The following MTUS2 variants were observed in gnomAD, a reference collection of about 807,000 sequenced individuals.
MTUS2 encodes the protein microtubule-associated tumor suppressor candidate 2.
In MTUS2, 40 loss-of-function variants were observed where a neutral mutation model predicts 114.1. That is an observed-to-expected ratio of 0.35 (90% CI 0.27 to 0.46). MTUS2 has a LOEUF of 0.46. Among genes scored for constraint, MTUS2 ranks in the 20% least tolerant of loss-of-function variants. The pLI, the probability that MTUS2 is intolerant of heterozygous loss-of-function variation, is 1.00. For synonymous variants in MTUS2, 688 were observed against 672.0 expected, an observed-to-expected ratio of 1.02 and a Z score of -0.37; for missense variants, 1,679 against 1,705.4, an observed-to-expected ratio of 0.98 and a Z score of 0.27.
chr13:29,247,702 A>T (rs965376432), intron 5 of MTUS2, among the ~76,000 whole-genome samples: 14 of 152,242 alleles, frequency 9.2e-5, no homozygotes, highest in Non-Finnish European at 1.5e-5. Flanking sequence ...ACAATGTGAT[A>T]CCGCCATACT....
rs183753847 is a variant in MTUS2 at position 28,866,810 on chromosome 13, A to G, written c.-243+26960A>G. On this transcript the variant is annotated intron_variant, in intron 2 of 15. Coordinates refer to ENST00000612955, the MANE Select transcript of MTUS2 (RefSeq NM_001033602.4). The stretch of plus-strand genomic sequence containing the variant: ...TTGATTAAAGGATGCCCTTCTGTAT[A>G]TGTCTACCATACCTGCATTTTAAAG... Among the ~76,000 whole-genome samples the G allele has an allele frequency of 9.9e-4, 150 of 152,240 alleles. 1 individual carries two copies. The highest frequency in any genetic ancestry group is 3.4e-3 in the African/African-American group (140 of 41,540).
chr13:29,361,168 G>A (rs967539061), intron 8 of MTUS2, among the ~76,000 whole-genome samples: 4 of 152,154 alleles, frequency 2.6e-5, no homozygotes, highest in African/African-American at 7.2e-5. Context: ...TCTGTAGCAT[G>A]CATGTGGCTC....
chr13:29,386,934 G>A (rs550110404), intron 8 of MTUS2, among the ~76,000 whole-genome samples: 3 of 152,240 alleles, frequency 2.0e-5, no homozygotes, highest in South Asian at 2.1e-4. Context: ...CTCCAGCCTC[G>A]CTATTTGTGT....
chr13:29,475,056 A>G (rs932590298), intron 9 of MTUS2, among the ~76,000 whole-genome samples: 2 of 152,206 alleles, frequency 1.3e-5, no homozygotes, highest in Non-Finnish European at 2.9e-5. Flanking sequence ...TATGTGCTCA[A>G]TGTATCTCTA....
At chr13:29,498,589 C>A in intron 14 of MTUS2, 52 bp downstream of exon 14, 2 of 1,609,112 alleles carry the variant, frequency 1.2e-6, no homozygotes, top group South Asian at 1.1e-5. Flanking sequence ...TTCCTGCTGT[C>A]ATCACTGATG....
At chr13:28,905,110 C>G (rs562042201) in intron 2 of MTUS2, among the ~76,000 whole-genome samples, 6 of 151,598 alleles carry the variant, frequency 4.0e-5, no homozygotes, top group Non-Finnish European at 7.4e-5. Flanking sequence ...ATTTTGTATC[C>G]TGAGACTTTG....
At chr13:29,259,103 CAAT>C (rs1165261226) in intron 5 of MTUS2, among the ~76,000 whole-genome samples, 1 of 152,110 alleles carries the variant, frequency 6.6e-6, no homozygotes. Flanking sequence ...TTTTTTAAAA[CAAT>C]AACAAAAACA....
At chr13:28,908,297 C>T (rs565661971) in intron 2 of MTUS2, among the ~76,000 whole-genome samples, 1 of 151,612 alleles carries the variant, frequency 6.6e-6, no homozygotes, top group East Asian at 1.9e-4. Context: ...CCACCTCCCC[C>T]AACCCCACAA....
At chr13:29,069,847 T>C (rs1259632421) in intron 4 of MTUS2, among the ~76,000 whole-genome samples, 1 of 152,238 alleles carries the variant, frequency 6.6e-6, no homozygotes, top group East Asian at 1.9e-4. Flanking sequence ...TGGATTTTTT[T>C]TGTCCTGTTA....
intron 2 of MTUS2, among the ~76,000 whole-genome samples, chr13:28,956,075 C>T (rs1883049967): frequency 6.8e-6 from 1 of 147,042 alleles, no homozygotes; most frequent in African/African-American, 2.5e-5. Flanking sequence ...TCCTTTCCCC[C>T]AAGTCCCCAA....
At chr13:29,428,742 C>T in intron 8 of MTUS2, 1 of 1,581,656 alleles carries the variant, frequency 6.3e-7, no homozygotes, top group East Asian at 2.3e-5. Flanking sequence ...TGTGACAGCT[C>T]CCAGCGGCGC....
chr13:29,318,794 C>T (rs1900130101), intron 6 of MTUS2, among the ~76,000 whole-genome samples: 1 of 152,206 alleles, frequency 6.6e-6, no homozygotes. Context: ...TTTTCTGAGA[C>T]ACTCTCTATG....
chr13:29,185,465 G>A lies in MTUS2; in HGVS notation c.2644+84495G>A, dbSNP rs548457575. ...ACTCCACATAGCATAAACTCAAATA[G>A]AACCATCTTAGACACATCATAATTA... On this transcript the variant is annotated intron_variant, in intron 5 of 15. Coordinates refer to ENST00000612955, the MANE Select transcript of MTUS2 (RefSeq NM_001033602.4). Among the ~76,000 whole-genome samples, 218 of 152,218 alleles carry A rather than the reference G, an allele frequency of 1.4e-3. 1 individual carries two copies. Among genetic ancestry groups the A allele is most frequent in the African/African-American group, 5.2e-3 (214 of 41,530 alleles).
Position 29,219,564 on chromosome 13 carries a change from G to A in MTUS2, c.2645-62140G>A, listed in dbSNP as rs149691830. Among the ~76,000 whole-genome samples, 218 of 152,334 alleles carry A rather than the reference G, an allele frequency of 1.4e-3. 1 individual carries two copies. Among genetic ancestry groups the A allele is most frequent in the African/African-American group, 5.1e-3 (214 of 41,580 alleles). ...TCATTTCTAACAAGAGAGTTAGCCT[G>A]TCCTTTGAAGCTTTGAAGCCAGGCA... On this transcript the variant is annotated intron_variant, in intron 5 of 15. Coordinates refer to ENST00000612955, the MANE Select transcript of MTUS2 (RefSeq NM_001033602.4).
chr13:28,859,140 G>A (rs1593251583), intron 2 of MTUS2, among the ~76,000 whole-genome samples: 1 of 152,170 alleles, frequency 6.6e-6, no homozygotes, highest in Non-Finnish European at 1.5e-5. Flanking sequence ...TCCTGAATTA[G>A]GTGTTGCTAG....
At chr13:29,501,048 C>G in intron 14 of MTUS2, 49 bp from the exon 15 acceptor site, 1 of 1,524,520 alleles carries the variant, frequency 6.6e-7, no homozygotes, top group Non-Finnish European at 9.1e-7. Flanking sequence ...CGGTTTACTC[C>G]CGATTTTATG....
At position 28,941,864 on chromosome 13, in the gene MTUS2, T is replaced by C. The variant is rs572612171; in HGVS notation, c.-242-82593T>C. On this transcript the variant is annotated intron_variant, in intron 2 of 15. Coordinates refer to ENST00000612955, the MANE Select transcript of MTUS2 (RefSeq NM_001033602.4). ...CTTTAAATTATTTTTTACTAGTGCA[T>C]GGTTTTCTAACACTATGCATTGGTC... Among the ~76,000 whole-genome samples the C allele has an allele frequency of 9.0e-4, 137 of 152,348 alleles. 1 individual carries two copies. The highest frequency in any genetic ancestry group is 3.0e-3 in the African/African-American group (126 of 41,584).
intron 8 of MTUS2, among the ~76,000 whole-genome samples, chr13:29,386,477 C>G (rs373878054): frequency 1.3e-5 from 2 of 152,138 alleles, no homozygotes; most frequent in Non-Finnish European, 2.9e-5. Context: ...GGAGAGTGAT[C>G]AGATAACAAG....
intron 1 of MTUS2, among the ~76,000 whole-genome samples, chr13:28,823,996 G>C (rs1230952579): frequency 6.6e-6 from 1 of 152,152 alleles, no homozygotes; most frequent in African/African-American, 2.4e-5. Context: ...CTCCCACCTA[G>C]TCCCTCTCAT....
Sources: allele counts gnomAD v4.1 joint callset (sites outside exome capture counted in the v4.1 genomes callset), GRCh38; gene constraint gnomAD v4.1.1; transcripts MANE v1.5; gene names NCBI Gene and HGNC (gene_info 2026-07-23, HGNC 2026-07-21).